Variants in CCDC88C observed in about 807,000 individuals in gnomAD.
CCDC88C encodes protein Daple.
CCDC88C carries 131 observed loss-of-function variants against 198.8 expected under a neutral mutation model. The ratio of observed to expected loss-of-function variants is 0.66; its 90% CI spans 0.57 to 0.76. CCDC88C has a LOEUF of 0.76. Ranked by LOEUF, CCDC88C falls within the 30% of genes least tolerant of loss-of-function variation. The pLI is 0.00. For synonymous variants in CCDC88C, 1,166 were observed against 1,114.7 expected (o/e 1.05, Z -0.92); for missense variants, 2,553 against 2,631.6 (o/e 0.97, Z 0.65).
At chr14:91,391,035 G>C (rs1885476618) in intron 3 of CCDC88C, among the ~76,000 whole-genome samples, 1 of 152,158 alleles carries the variant, frequency 6.6e-6, no homozygotes, top group Non-Finnish European at 1.5e-5. Flanking sequence ...AAGGAAGTAA[G>C]GATTCTTAGC....
chr14:91,313,211 T>A lies in CCDC88C; in HGVS notation c.2605A>T (p.Ser869Cys), dbSNP rs377134053. ...TAKLSAVEKESRALDKELARC... is the reference protein window; with the variant it reads ...TAKLSAVEKECRALDKELARC... ...GCCAGCTCCTTGTCCAGCGCGCGGC[T>A]CTCCTTCTCAACGGCGGACAGTTTG... is the stretch of plus-strand genomic sequence containing the variant. Residue 869 changes from serine (S) to cysteine (C), a missense_variant, in exon 15 of 30, where the codon AGC becomes TGC. Ser to Cys is a moderately radical substitution (Grantham distance 112). Transcript: ENST00000389857. The surrounding 1 kb of genome is among the most constrained non-coding windows in gnomAD (Gnocchi z 5.2). The A allele has an allele frequency of 1.5e-5, 25 of 1,613,822 alleles. No homozygotes were observed. The highest frequency in any genetic ancestry group is 2.0e-5 in the Non-Finnish European group (24 of 1,179,886).
intron 2 of CCDC88C, among the ~76,000 whole-genome samples, chr14:91,412,406 T>A (rs940132039): frequency 4.0e-5 from 6 of 151,770 alleles, no homozygotes; most frequent in African/African-American, 1.5e-4. Flanking sequence ...ATATTCCTAT[T>A]CTCCTAAGAT....
chr14:91,307,619 A>G (rs531233688), intron 17 of CCDC88C, among the ~76,000 whole-genome samples: 33 of 152,308 alleles, frequency 2.2e-4, no homozygotes, highest in African/African-American at 7.2e-4. Flanking sequence ...CCAGATTCCT[A>G]TTCAATCCTG....
intron 3 of CCDC88C, among the ~76,000 whole-genome samples, chr14:91,383,561 G>C (rs946135255): frequency 1.3e-5 from 2 of 152,166 alleles, no homozygotes; most frequent in Non-Finnish European, 2.9e-5. Context: ...TTATTAAACT[G>C]TCTCATCCTT....
At chr14:91,330,488 G>A (rs565771558) in intron 10 of CCDC88C, among the ~76,000 whole-genome samples, 6 of 152,314 alleles carry the variant, frequency 3.9e-5, no homozygotes, top group South Asian at 2.1e-4. Context: ...GAGGCACTCC[G>A]CAGGCAGACT....
At chr14:91,369,695 G>C (rs1377530779) in intron 3 of CCDC88C, among the ~76,000 whole-genome samples, 1 of 152,106 alleles carries the variant, frequency 6.6e-6, no homozygotes, top group Non-Finnish European at 1.5e-5. Flanking sequence ...GTCCCTCTTC[G>C]GGGCGGGGAG....
At chr14:91,349,515 A>G (rs148650173) in intron 4 of CCDC88C, among the ~76,000 whole-genome samples, 1 of 152,340 alleles carries the variant, frequency 6.6e-6, no homozygotes, top group Non-Finnish European at 1.5e-5. Context: ...CTACACCAAA[A>G]AAGTCACAAG....
At chr14:91,280,913 G>A (rs1313872949) in intron 27 of CCDC88C, among the ~76,000 whole-genome samples, 1 of 152,142 alleles carries the variant, frequency 6.6e-6, no homozygotes, top group Non-Finnish European at 1.5e-5. Flanking sequence ...TAAACTTCAA[G>A]GGGTCTTTTT....
intron 3 of CCDC88C, among the ~76,000 whole-genome samples, chr14:91,364,936 T>C (rs949914174): frequency 1.3e-5 from 2 of 152,154 alleles, no homozygotes; most frequent in African/African-American, 4.8e-5. Flanking sequence ...AGGATACAGG[T>C]GTCCCACTCC....
chr14:91,303,829 C>T lies in CCDC88C; in HGVS notation c.3507G>A (p.Gln1169=). 1.9e-6 allele frequency: 3 copies of T among 1,613,358 alleles called. No individual in the cohort carries two copies. Among genetic ancestry groups the T allele is most frequent in the Non-Finnish European group, 2.5e-6 (3 of 1,179,906 alleles). ...GCAGCGTGCCCAGGTGCTCGTGGTC[C>T]TGCAGCAGGGCCTCGTAGGCCGCTG... ...QLTAAYEALL[Q]DHEHLGTLHE... is the part of the protein sequence containing the mutation. Residue 1169 remains glutamine, a synonymous_variant, in exon 20 of 30, where the codon CAG becomes CAA. Coordinates refer to ENST00000389857, the MANE Select transcript of CCDC88C (RefSeq NM_001080414.4).
At chr14:91,315,560 C>A (rs1340842035) in intron 14 of CCDC88C, 90 bp downstream of exon 14, 2 of 1,423,796 alleles carry the variant, frequency 1.4e-6, no homozygotes, top group Admixed American at 3.8e-5. Context: ...TCCATGCATC[C>A]ACAATACAGT....
intron 12 of CCDC88C, among the ~76,000 whole-genome samples, chr14:91,324,136 G>T (rs1004223158): frequency 4.1e-4 from 62 of 152,252 alleles, no homozygotes; most frequent in African/African-American, 1.5e-3. Context: ...ATTGTTTGCC[G>T]GGGCTGAGGC....
At chr14:91,401,346 A>ATATTTT (rs1555430009) in intron 3 of CCDC88C, among the ~76,000 whole-genome samples, 17 of 127,036 alleles carry the variant, frequency 1.3e-4, no homozygotes, top group Non-Finnish European at 2.4e-4. Context: ...ATATATATAT[A>ATATTTT]TTTTTTGAGA....
At chr14:91,297,520 G>A (rs1003417836) in intron 21 of CCDC88C, 29 bp from the exon 22 acceptor site, 1 of 1,547,962 alleles carries the variant, frequency 6.5e-7, no homozygotes, top group Non-Finnish European at 8.7e-7. Context: ...CAGGGCAAAG[G>A]AGCTGAAGAG....
chr14:91,385,005 G>C (rs536713731), intron 3 of CCDC88C, among the ~76,000 whole-genome samples: 3 of 152,320 alleles, frequency 2.0e-5, no homozygotes, highest in Admixed American at 6.5e-5. Context: ...AAGAAATGCA[G>C]TGTGATCCCT....
intron 16 of CCDC88C, 90 bp downstream of exon 16, chr14:91,309,769 C>T (rs1891733327): frequency 1.4e-6 from 2 of 1,406,430 alleles, no homozygotes; most frequent in African/African-American, 1.4e-5. Context: ...GTAGAGAGTT[C>T]ATGGAGGTCT....
intron 23 of CCDC88C, among the ~76,000 whole-genome samples, chr14:91,293,953 G>A (rs535327122): frequency 4.6e-5 from 7 of 152,314 alleles, no homozygotes; most frequent in South Asian, 4.1e-4. Context: ...GGTGGAAAGC[G>A]CCTCTGAAAG....
chr14:91,297,122 C>G (rs1179989350), intron 22 of CCDC88C, among the ~76,000 whole-genome samples, 183 bp downstream of exon 22: 1 of 152,268 alleles, frequency 6.6e-6, no homozygotes, highest in African/African-American at 2.4e-5. Flanking sequence ...TACAGTCCCA[C>G]CAGAAGCCAC....
chr14:91,282,888 C>A (rs552914425), intron 26 of CCDC88C, among the ~76,000 whole-genome samples: 29 of 152,260 alleles, frequency 1.9e-4, no homozygotes, highest in East Asian at 5.8e-4. Flanking sequence ...ATGATGAGAC[C>A]ACATATCTAC....
Sources: gnomAD v4.1 joint callset for allele counts (sites outside exome capture counted in the v4.1 genomes callset) on GRCh38, gnomAD v4.1.1 for gene constraint, Gnocchi (gnomAD v3.1) non-coding constraint, MANE v1.5 for transcripts, NCBI Gene and HGNC (gene_info 2026-07-23, HGNC 2026-07-21) for gene names.